Variants in SLC24A2 observed in about 807,000 individuals in gnomAD.
SLC24A2 encodes solute carrier family 24 member 2.
In SLC24A2, 36 loss-of-function variants were observed where a neutral mutation model predicts 62.0. The ratio of observed to expected loss-of-function variants is 0.58; its 90% CI spans 0.44 to 0.77. The LOEUF is 0.77. Among genes scored for constraint, SLC24A2 ranks in the 30% least tolerant of loss-of-function variants. The pLI, the probability that SLC24A2 is intolerant of heterozygous loss-of-function variation, is 0.00. For synonymous variants in SLC24A2, 358 were observed against 294.0 expected, an observed-to-expected ratio of 1.22 and a Z score of -2.23; for missense variants, 846 against 817.9, an observed-to-expected ratio of 1.03 and a Z score of -0.42.
intron 9 of SLC24A2, among the ~76,000 whole-genome samples, chr9:19,521,609 A>G (rs555456173): frequency 5.0e-4 from 76 of 152,360 alleles, no homozygotes; most frequent in African/African-American, 1.8e-3. Flanking sequence ...TAGCAAAGCA[A>G]CTGTGGAGAA....
chr9:20,209,056 A>C, the SLC24A2 span, among the ~76,000 whole-genome samples: 1 of 152,198 alleles, frequency 6.6e-6, no homozygotes, highest in Non-Finnish European at 1.5e-5. Flanking sequence ...ATGGAGACAT[A>C]AGTAGTATCT....
the SLC24A2 span, among the ~76,000 whole-genome samples, chr9:20,045,639 G>A: frequency 6.6e-6 from 1 of 151,940 alleles, no homozygotes; most frequent in Non-Finnish European, 1.5e-5. Context: ...CACTATGTTG[G>A]CCAGGCTGCT....
chr9:19,658,441 A>G (rs1161745989), intron 2 of SLC24A2, among the ~76,000 whole-genome samples: 2 of 152,234 alleles, frequency 1.3e-5, no homozygotes, highest in African/African-American at 4.8e-5. Context: ...GCTCATTTGA[A>G]GATGATCAGA....
the SLC24A2 span, among the ~76,000 whole-genome samples, chr9:20,165,290 T>C: frequency 1.3e-5 from 2 of 151,912 alleles, no homozygotes; most frequent in Non-Finnish European, 2.9e-5. Context: ...TTTTTTTTCC[T>C]GCAAACTAGA....
At chr9:20,090,347 C>G in the SLC24A2 span, among the ~76,000 whole-genome samples, 2 of 152,274 alleles carry the variant, frequency 1.3e-5, 1 homozygote, top group East Asian at 3.9e-4. Context: ...GCACATAAGC[C>G]CTGAGATCAC....
At chr9:19,644,910 A>G (rs376366412) in intron 2 of SLC24A2, among the ~76,000 whole-genome samples, 13 of 152,284 alleles carry the variant, frequency 8.5e-5, no homozygotes, top group African/African-American at 3.1e-4. Context: ...CTAAAAGTGC[A>G]TTTACTGGAA....
chr9:20,213,123 G>T, the SLC24A2 span, among the ~76,000 whole-genome samples: 4 of 151,646 alleles, frequency 2.6e-5, no homozygotes, highest in African/African-American at 9.8e-5. Flanking sequence ...AATCACCATG[G>T]CACACATTTA....
At chr9:19,754,720 G>C (rs764365551) in intron 2 of SLC24A2, among the ~76,000 whole-genome samples, 16 of 151,570 alleles carry the variant, frequency 1.1e-4, no homozygotes, top group Non-Finnish European at 1.2e-4. Context: ...GGGCCCTGGT[G>C]GTGGTATGTG....
At chr9:19,677,044 C>G (rs13299936) in intron 2 of SLC24A2, among the ~76,000 whole-genome samples, 27,678 of 152,110 alleles carry the variant, frequency 0.18, 2,820 homozygotes, top group Middle Eastern at 0.24. Context: ...GACCTAAAGA[C>G]AGAAACATCA....
At chr9:20,152,926 G>A in the SLC24A2 span, among the ~76,000 whole-genome samples, 9 of 151,958 alleles carry the variant, frequency 5.9e-5, no homozygotes, top group African/African-American at 2.2e-4. Flanking sequence ...TGGAGCGTTA[G>A]TGATTGTTGA....
chr9:20,303,846 C>T, the SLC24A2 span, among the ~76,000 whole-genome samples: 1 of 152,158 alleles, frequency 6.6e-6, no homozygotes, highest in African/African-American at 2.4e-5. Flanking sequence ...TGCATCTTAT[C>T]TGAAGCTAAC....
the SLC24A2 span, among the ~76,000 whole-genome samples, chr9:20,120,014 A>C: frequency 6.6e-6 from 1 of 152,096 alleles, no homozygotes; most frequent in Non-Finnish European, 1.5e-5. Flanking sequence ...GCTGTGTTTC[A>C]ATCTGTTCCC....
the SLC24A2 span, among the ~76,000 whole-genome samples, chr9:20,082,262 T>C: frequency 6.6e-6 from 1 of 152,182 alleles, no homozygotes; most frequent in African/African-American, 2.4e-5. Flanking sequence ...TTGGGATAAC[T>C]CACCCTTATT....
intron 2 of SLC24A2, among the ~76,000 whole-genome samples, chr9:19,747,733 C>T (rs1391350689): frequency 6.6e-6 from 1 of 152,150 alleles, no homozygotes; most frequent in East Asian, 1.9e-4. Flanking sequence ...AAATGTGTCA[C>T]CATAGACTGC....
chr9:19,541,769 G>T (rs201576087), intron 8 of SLC24A2, among the ~76,000 whole-genome samples: 29 of 148,582 alleles, frequency 2.0e-4, no homozygotes, highest in South Asian at 4.4e-4. Context: ...GTTTACCTAA[G>T]CAAGCCTGGG....
intron 2 of SLC24A2, among the ~76,000 whole-genome samples, chr9:19,682,650 C>A (rs1030190037): frequency 3.3e-5 from 5 of 152,034 alleles, no homozygotes; most frequent in African/African-American, 1.2e-4. Flanking sequence ...AGAAACACAG[C>A]GTTAAGTAGA....
the SLC24A2 span, among the ~76,000 whole-genome samples, chr9:20,258,743 C>A: frequency 6.6e-6 from 1 of 152,046 alleles, no homozygotes; most frequent in African/African-American, 2.4e-5. Flanking sequence ...TAAGCCAATT[C>A]CCTAATGAAT....
chr9:19,690,077 G>A (rs975783029), intron 2 of SLC24A2, among the ~76,000 whole-genome samples: 2 of 152,090 alleles, frequency 1.3e-5, no homozygotes, highest in Admixed American at 1.3e-4. Flanking sequence ...GCTTGTAGAT[G>A]CCAGATCATG....
At chr9:20,276,707 TG>T in the SLC24A2 span, among the ~76,000 whole-genome samples, 1 of 152,246 alleles carries the variant, frequency 6.6e-6, no homozygotes, top group African/African-American at 2.4e-5. Context: ...AGCACACCTC[TG>T]CCTAGACATC....
Sources: allele counts gnomAD v4.1 joint callset (sites outside exome capture counted in the v4.1 genomes callset), GRCh38; gene constraint gnomAD v4.1.1; transcripts MANE v1.5; gene names NCBI Gene and HGNC (gene_info 2026-07-23, HGNC 2026-07-21).